The following TRNT1 variants were observed in gnomAD, a reference collection of about 807,000 sequenced individuals.
The protein encoded by TRNT1 is tRNA nucleotidyl transferase 1, also known as CCA tRNA nucleotidyltransferase 1, mitochondrial.
Under a neutral mutation model 45.6 loss-of-function variants are expected in TRNT1, and 44 were observed. The ratio of observed to expected loss-of-function variants is 0.97; its 90% CI spans 0.76 to 1.24. The LOEUF (loss-of-function observed/expected upper bound fraction) is 1.24, where lower values mean the gene tolerates loss of function less well. TRNT1 is among the 50% of genes most tolerant of loss of function. The pLI is 0.00. For missense variants in TRNT1, 633 were observed against 504.4 expected (o/e 1.25, Z -2.44); for synonymous variants, 201 against 171.4 (o/e 1.17, Z -1.35).
chr3:3,144,246 C>T lies in TRNT1; in HGVS notation c.482-338C>T, dbSNP rs529909910. 2.0e-5 allele frequency among the ~76,000 whole-genome samples: 3 copies of T among 152,150 alleles called. No homozygotes were observed. In the South Asian group the frequency reaches 6.2e-4, roughly 32 times the overall value. ...CTGTTAATCCTGTTACGTATTTTTT[C>T]CATTTTATTTTGGCTATTATTTTCC... On this transcript the variant is annotated intron_variant, in intron 4 of 7. Transcript: ENST00000251607.
chr3:3,148,442 C>CTGTT lies in TRNT1; in HGVS notation c.*290_*293dup. 1 of 234,382 alleles carries CTGTT rather than the reference C, an allele frequency of 4.3e-6. No homozygotes were observed. The highest frequency in any genetic ancestry group is 8.4e-6 in the Non-Finnish European group (1 of 119,564). 14.5% of individuals were successfully genotyped at this position (234,382 alleles called of 1,614,324 possible). ...AACCTGTTCAGGCTTTTAAAAAAAA[C>CTGTT]TGTTTTTGCATAGGGTAGTACTAAG... On this transcript the variant is annotated 3_prime_UTR_variant, in exon 8 of 8. Transcript: ENST00000251607.
intron 4 of TRNT1, among the ~76,000 whole-genome samples, chr3:3,144,115 C>T (rs191729495): frequency 9.2e-5 from 14 of 152,212 alleles, no homozygotes; most frequent in African/African-American, 2.2e-4. Context: ...ATTATTTCTT[C>T]GAAAATCCTG....
downstream of TRNT1, chr3:3,152,650 T>C (rs373209465): frequency 3.1e-6 from 5 of 1,591,904 alleles, no homozygotes; most frequent in African/African-American, 1.3e-5. Context: ...ATTAAATGCT[T>C]AGAATTTTAT....
In TRNT1 at chr3:3,147,989, G is replaced by A; in HGVS notation, c.1140G>A (p.Gln380=). ...ACTGTCTCCTAAAGGAAATGCAGCA[G>A]TGGTCCATTCCTCCATTTCCTGTAA... The part of the protein sequence containing the change: ...GEHCLLKEMQ[Q]WSIPPFPVSG... Residue 380 remains glutamine (Q), a synonymous_variant, in exon 8 of 8, where the codon CAG becomes CAA. Transcript: ENST00000251607. The A allele has an allele frequency of 1.2e-6, 2 of 1,614,032 alleles. No homozygotes were observed. Among genetic ancestry groups the A allele is most frequent in the Non-Finnish European group, 1.7e-6 (2 of 1,179,900 alleles).
chr3:3,144,587 TTG>T lies in TRNT1; in HGVS notation c.486_487del (p.Phe162LeufsTer6), dbSNP rs751535049. ...TCCCTCCTTTTCTAATGAATAGGTTTTGATGGCACTTTATTTGACTACTTTAA... is the reference window on the plus strand; with the variant it reads ...TCCCTCCTTTTCTAATGAATAGGTTTATGGCACTTTATTTGACTACTTTAA... On this transcript the variant is annotated frameshift_variant, in exon 5 of 8. Transcript: ENST00000251607. LOFTEE classifies it high-confidence loss of function. 1 of 1,578,172 alleles carries T rather than the reference TTG, an allele frequency of 6.3e-7. No individual in the cohort carries two copies. Among genetic ancestry groups the T allele is most frequent in the South Asian group, 1.2e-5 (1 of 86,054 alleles).
In TRNT1 at chr3:3,126,965, T is replaced by G. The variant is rs1704610812; in HGVS notation, c.-53T>G. 1 of 152,756 alleles carries G rather than the reference T, an allele frequency of 6.5e-6. No individual in the cohort carries two copies. Among genetic ancestry groups the G allele is most frequent in the African/African-American group, 2.4e-5 (1 of 41,454 alleles). 9.5% of individuals were successfully genotyped at this position (152,756 alleles called of 1,614,324 possible). On this transcript the variant is annotated 5_prime_UTR_variant, in exon 1 of 8. Transcript: ENST00000251607. ...AGCCCGGAAGTGCGCGTGGCGGCGG[T>G]GGCGGCTGCGGCAACAGCGGGGCCG...
chr3:3,144,734 A>C, intron 5 of TRNT1, 24 bp downstream of exon 5: 1 of 1,504,056 alleles, frequency 6.6e-7, no homozygotes, highest in South Asian at 1.2e-5. Context: ...AAAATAAAAA[A>C]TGATAGTTTT....
In TRNT1 at chr3:3,140,609, G is replaced by C; in HGVS notation, c.442G>C (p.Ala148Pro). The C allele has an allele frequency of 2.5e-6, 4 of 1,614,160 alleles. No homozygotes were observed. Among genetic ancestry groups the C allele is most frequent in the Non-Finnish European group, 3.4e-6 (4 of 1,180,010 alleles). ...ATTTACAACTGACTGGCAGAAAGAT[G>C]CGGAACGCAGAGATCTCACTATAAA... ...VEFTTDWQKD[A>P]ERRDLTINSM... The change falls in exon 4 of 8, where the codon GCG becomes CCG. Residue 148 changes from alanine (A) to proline (P), a missense_variant. Physicochemically the swap from Ala to Pro is conservative, Grantham distance 27. Transcript: ENST00000251607.
intron 2 of TRNT1, chr3:3,130,298 A>G (rs753091098): frequency 1.3e-5 from 3 of 234,558 alleles, no homozygotes; most frequent in Non-Finnish European, 2.5e-5. Context: ...ATGACCATCT[A>G]TATTTTTAAT....
intron 3 of TRNT1, among the ~76,000 whole-genome samples, chr3:3,138,477 T>C (rs770842069): frequency 6.6e-6 from 1 of 152,244 alleles, no homozygotes; most frequent in Non-Finnish European, 1.5e-5. Context: ...ATAACTTGTT[T>C]TGGATTTTTC....
intron 3 of TRNT1, among the ~76,000 whole-genome samples, chr3:3,140,280 T>G (rs1223039601): frequency 7.9e-6 from 1 of 126,952 alleles, no homozygotes; most frequent in East Asian, 2.5e-4. Flanking sequence ...ACTCATCTTT[T>G]TTAATCATGA....
At chr3:3,153,263 C>G, downstream of TRNT1, 2 of 581,266 alleles carry the variant, frequency 3.4e-6, no homozygotes. Flanking sequence ...AGTACCCAAT[C>G]TGGAAGATGG....
At chr3:3,130,102 C>A in intron 2 of TRNT1, 1 of 787,700 alleles carries the variant, frequency 1.3e-6, no homozygotes, top group Non-Finnish European at 2.0e-6. Flanking sequence ...GTTGCTAAAG[C>A]AGCCACACAG....
downstream of TRNT1, chr3:3,152,422 AG>A (rs987156887): frequency 3.8e-6 from 6 of 1,564,784 alleles, no homozygotes; most frequent in Non-Finnish European, 5.2e-6. Context: ...AGGTAAAAAA[AG>A]AAAAAAAAAA....
chr3:3,151,709 A>G (rs930300317), downstream of TRNT1, among the ~76,000 whole-genome samples: 1 of 152,212 alleles, frequency 6.6e-6, no homozygotes, highest in African/African-American at 2.4e-5. Context: ...CAAGATACAT[A>G]GTCCTAACCC....
At chr3:3,132,463 A>G (rs1705055843) in intron 2 of TRNT1, among the ~76,000 whole-genome samples, 1 of 46,750 alleles carries the variant, frequency 2.1e-5, no homozygotes, top group South Asian at 9.3e-4. Context: ...ATTCTCACTC[A>G]TAGGTGGGAA....
downstream of TRNT1, chr3:3,152,317 T>C (rs1423237728): frequency 2.8e-5 from 27 of 947,920 alleles, no homozygotes; most frequent in Non-Finnish European, 4.1e-5. Flanking sequence ...CATACCCGGC[T>C]AATTTTTGTA....
rs1420011909 is a variant in TRNT1 at position 3,148,811 on chromosome 3, T to TAATTAATTA, written c.*662_*663insATTAAATTA. On this transcript the variant is annotated 3_prime_UTR_variant, in exon 8 of 8. Coordinates refer to ENST00000251607, the MANE Select transcript of TRNT1 (RefSeq NM_182916.3). The stretch of plus-strand genomic sequence containing the variant: ...GAGGGTCACTATTGAGCCTATTAAT[T>TAATTAATTA]AATTATTGTTTTAATAAAACAAACA... 6.6e-6 allele frequency: 1 copy of TAATTAATTA among 150,436 alleles called. No individual in the cohort carries two copies. The highest frequency in any genetic ancestry group is 1.5e-5 in the Non-Finnish European group (1 of 67,358). The allele number at this position is 150,436 out of a possible 1,614,324, so 9.3% of individuals were successfully genotyped here.
intron 4 of TRNT1, among the ~76,000 whole-genome samples, chr3:3,142,863 C>T (rs1160505527): frequency 1.3e-5 from 2 of 152,146 alleles, no homozygotes; most frequent in African/African-American, 4.8e-5. Context: ...TTCTTTTTAT[C>T]ATTTTCTTTT....
Sources: allele counts gnomAD v4.1 joint callset (sites outside exome capture counted in the v4.1 genomes callset), GRCh38; gene constraint gnomAD v4.1.1; transcripts MANE v1.5; gene names NCBI Gene and HGNC (gene_info 2026-07-23, HGNC 2026-07-21).